GPHN: variants seen among roughly 807,000 people sequenced by gnomAD.
GPHN encodes gephyrin.
Under a neutral mutation model 95.5 loss-of-function variants are expected in GPHN, and 17 were observed. The ratio of observed to expected loss-of-function variants is 0.18; its 90% CI spans 0.12 to 0.27. GPHN has a LOEUF of 0.27. GPHN is among the 10% of genes least tolerant of loss of function. The pLI, the probability that GPHN is intolerant of heterozygous loss-of-function variation, is 1.00. For synonymous variants in GPHN, 320 were observed against 322.5 expected (o/e 0.99, Z 0.08); for missense variants, 660 against 978.1 (o/e 0.67, Z 4.34).
intron 4 of GPHN, among the ~76,000 whole-genome samples, chr14:66,856,836 C>A (rs2153518931): frequency 6.6e-6 from 1 of 152,058 alleles, no homozygotes; most frequent in Admixed American, 6.5e-5. Flanking sequence ...TCATTTTTAT[C>A]ATTATTAGGT....
chr14:67,696,507 T>C, the GPHN span, among the ~76,000 whole-genome samples: 4 of 152,180 alleles, frequency 2.6e-5, no homozygotes, highest in Non-Finnish European at 4.4e-5. Flanking sequence ...TATCTTGAAT[T>C]ATGGTGGCAA....
the GPHN span, chr14:67,586,310 A>G: frequency 8.1e-7 from 1 of 1,232,190 alleles, no homozygotes; most frequent in East Asian, 2.5e-5. Context: ...TTTGGAGGGA[A>G]CTAACTCTGG....
the GPHN span, among the ~76,000 whole-genome samples, chr14:67,480,893 C>T: frequency 6.6e-6 from 1 of 152,178 alleles, no homozygotes; most frequent in African/African-American, 2.4e-5. Flanking sequence ...TCCCCAACCC[C>T]AGCAAGTAAC....
intron 8 of GPHN, among the ~76,000 whole-genome samples, chr14:66,959,977 T>G (rs561651612): frequency 6.6e-6 from 1 of 152,196 alleles, no homozygotes; most frequent in East Asian, 1.9e-4. Context: ...TCAGACTAGA[T>G]AATGTTAATC....
chr14:66,678,398 A>T lies in GPHN; in HGVS notation c.65-2709A>T, dbSNP rs202230590. ...TTTCAATTGTATTTTTTTAATTTTA[A>T]TCATTGAATTCTTGAGTTCCGGGAT... On this transcript the variant is annotated intron_variant, in intron 1 of 22. Transcript: ENST00000478722. Among the ~76,000 whole-genome samples, 3 of 150,832 alleles carry T rather than the reference A, an allele frequency of 2.0e-5. No individual in the cohort carries two copies. The South Asian group carries it at 6.3e-4, about 32-fold the overall frequency.
chr14:66,595,826 G>A (rs759005001), intron 1 of GPHN, among the ~76,000 whole-genome samples: 11 of 152,172 alleles, frequency 7.2e-5, no homozygotes, highest in South Asian at 2.1e-4. Context: ...AGCAAGGGGC[G>A]TGTTTCAGCC....
At chr14:66,831,771 A>C (rs2061589372) in intron 4 of GPHN, among the ~76,000 whole-genome samples, 1 of 152,126 alleles carries the variant, frequency 6.6e-6, no homozygotes, top group African/African-American at 2.4e-5. Context: ...AATAGTCAAT[A>C]ATAACAACTA....
intron 5 of GPHN, among the ~76,000 whole-genome samples, chr14:66,893,760 A>G (rs1260574891): frequency 6.6e-6 from 1 of 152,204 alleles, no homozygotes; most frequent in Non-Finnish European, 1.5e-5. Flanking sequence ...ACTCCCATTC[A>G]CAAATGCTTC....
chr14:66,888,028 A>C (rs964691276), intron 5 of GPHN, among the ~76,000 whole-genome samples: 11 of 152,174 alleles, frequency 7.2e-5, no homozygotes, highest in Admixed American at 1.3e-4. Context: ...GAGCATGAGG[A>C]TCTCTCACTG....
chr14:67,317,388 T>G, the GPHN span: 1 of 1,591,652 alleles, frequency 6.3e-7, no homozygotes, highest in Non-Finnish European at 8.6e-7. Context: ...TTTATAGTTA[T>G]GTTTATGATT....
chr14:67,254,858 T>C, the GPHN span, among the ~76,000 whole-genome samples: 5 of 152,164 alleles, frequency 3.3e-5, no homozygotes, highest in African/African-American at 1.2e-4. Flanking sequence ...AAGTTAGAAG[T>C]TGGAATCTCT....
chr14:67,440,242 G>T, the GPHN span, among the ~76,000 whole-genome samples: 4 of 152,184 alleles, frequency 2.6e-5, no homozygotes, highest in African/African-American at 9.7e-5. Flanking sequence ...TGACTTCTTT[G>T]AAGCTGGGTA....
At chr14:67,073,949 A>G (rs1052122496) in intron 11 of GPHN, among the ~76,000 whole-genome samples, 1 of 152,186 alleles carries the variant, frequency 6.6e-6, no homozygotes, top group African/African-American at 2.4e-5. Context: ...TAAATGATTC[A>G]ATCTTTTTCA....
chr14:66,647,874 A>G (rs1200924837), intron 1 of GPHN, among the ~76,000 whole-genome samples: 1 of 152,210 alleles, frequency 6.6e-6, no homozygotes, highest in Non-Finnish European at 1.5e-5. Context: ...AAACATTGCA[A>G]ACTGATTTAA....
chr14:66,654,225 C>T (rs2065194981), intron 1 of GPHN, among the ~76,000 whole-genome samples: 1 of 152,018 alleles, frequency 6.6e-6, no homozygotes, highest in Non-Finnish European at 1.5e-5. Context: ...GACTCAGTCT[C>T]CCAAGTAGCT....
the GPHN span, chr14:67,321,265 G>A: frequency 3.1e-6 from 5 of 1,613,624 alleles, no homozygotes; most frequent in South Asian, 4.4e-5. Flanking sequence ...CACAGGTAAA[G>A]CTAGAACTTT....
intron 13 of GPHN, among the ~76,000 whole-genome samples, chr14:67,104,214 A>G (rs2077906178): frequency 6.6e-6 from 1 of 152,208 alleles, no homozygotes. Context: ...CCCACAGTAA[A>G]TCCCACTTGA....
At chr14:67,029,074 C>A (rs989503714) in intron 10 of GPHN, among the ~76,000 whole-genome samples, 1 of 152,098 alleles carries the variant, frequency 6.6e-6, no homozygotes, top group African/African-American at 2.4e-5. Flanking sequence ...TTTCATTTTT[C>A]TGCATATGGC....
chr14:67,550,936 G>T, the GPHN span, among the ~76,000 whole-genome samples: 1 of 152,286 alleles, frequency 6.6e-6, no homozygotes, highest in East Asian at 1.9e-4. Context: ...TGCCTTCTGG[G>T]GTTGTTAAGA....
Sources: gnomAD v4.1 joint callset for allele counts (sites outside exome capture counted in the v4.1 genomes callset) on GRCh38, gnomAD v4.1.1 for gene constraint, MANE v1.5 for transcripts, NCBI Gene and HGNC (gene_info 2026-07-23, HGNC 2026-07-21) for gene names.